The following TWIST2 variants were observed in gnomAD, a reference collection of about 807,000 sequenced individuals.
TWIST2 encodes the protein twist family bHLH transcription factor 2.
TWIST2 carries 1 observed loss-of-function variant against 11.6 expected under a neutral mutation model. That is an observed-to-expected ratio of 0.09 (90% CI 0.03 to 0.41). The LOEUF is 0.41. Ranked by LOEUF, TWIST2 falls within the 10% of genes least tolerant of loss-of-function variation. TWIST2 has a pLI of 0.98. For missense variants in TWIST2, 168 were observed against 226.4 expected (o/e 0.74, Z 1.66); for synonymous variants, 87 against 96.6 (o/e 0.90, Z 0.58).
At chr2:238,883,859 C>T (rs1372563681) in intron 1 of TWIST2, among the ~76,000 whole-genome samples, 1 of 152,172 alleles carries the variant, frequency 6.6e-6, no homozygotes, top group Non-Finnish European at 1.5e-5. Flanking sequence ...TGGCTTTTCT[C>T]TCCTCCTGCA....
chr2:238,848,715 T>A lies in TWIST2; in HGVS notation c.*17T>A. Reference sequence around the variant, plus strand: ...TCCCACTAGCGCCGCGCCACCCACCTCCGGACCGGCGCGCCAGGGTAGGTG... The same window carrying A: ...TCCCACTAGCGCCGCGCCACCCACCACCGGACCGGCGCGCCAGGGTAGGTG... On this transcript the variant is annotated 3_prime_UTR_variant, in exon 1 of 2. Transcript: ENST00000612363. 1 of 1,484,334 alleles carries A rather than the reference T, an allele frequency of 6.7e-7. No homozygotes were observed. The highest frequency in any genetic ancestry group is 8.9e-7 in the Non-Finnish European group (1 of 1,118,628). The allele number at this position is 1,484,334 out of a possible 1,614,324, so 91.9% of individuals were successfully genotyped here.
chr2:238,854,106 G>A (rs926265506), intron 1 of TWIST2, among the ~76,000 whole-genome samples: 4 of 152,094 alleles, frequency 2.6e-5, no homozygotes, highest in African/African-American at 9.7e-5. Flanking sequence ...CTTTAAACTT[G>A]GACACATCTC....
At chr2:238,893,662 TGA>T (rs1693174396) in intron 1 of TWIST2, among the ~76,000 whole-genome samples, 1 of 152,188 alleles carries the variant, frequency 6.6e-6, no homozygotes, top group Admixed American at 6.5e-5. Context: ...GTGAGATGGT[TGA>T]GAGTCTTCAG....
At chr2:238,885,052 C>T (rs532752655) in intron 1 of TWIST2, among the ~76,000 whole-genome samples, 1 of 152,170 alleles carries the variant, frequency 6.6e-6, no homozygotes, top group Admixed American at 6.5e-5. Flanking sequence ...GGGGGTCAGC[C>T]CTGGTCCGTT....
intron 1 of TWIST2, among the ~76,000 whole-genome samples, chr2:238,853,448 G>GGGGAGAGA (rs1692278540): frequency 7.7e-6 from 1 of 130,634 alleles, no homozygotes; most frequent in Non-Finnish European, 1.6e-5. Flanking sequence ...AGGGAGAGAT[G>GGGGAGAGA]GAGAGAGAGA....
At chr2:238,907,372 G>A (rs1188271748) in intron 1 of TWIST2, among the ~76,000 whole-genome samples, 1 of 152,146 alleles carries the variant, frequency 6.6e-6, no homozygotes, top group Non-Finnish European at 1.5e-5. Flanking sequence ...GCGGGATTGG[G>A]GTCCCCACCC....
At chr2:238,851,581 T>TA (rs1692241950) in intron 1 of TWIST2, among the ~76,000 whole-genome samples, 1 of 152,054 alleles carries the variant, frequency 6.6e-6, no homozygotes, top group Non-Finnish European at 1.5e-5. Flanking sequence ...AACTTTTTTT[T>TA]TTCTGAGAAC....
At chr2:238,855,361 G>C (rs544808786) in intron 1 of TWIST2, among the ~76,000 whole-genome samples, 1 of 152,174 alleles carries the variant, frequency 6.6e-6, no homozygotes, top group African/African-American at 2.4e-5. Flanking sequence ...ACCAATGGGC[G>C]AACAGTGTCT....
intron 1 of TWIST2, among the ~76,000 whole-genome samples, chr2:238,905,889 GCA>G (rs1693336878): frequency 2.1e-5 from 3 of 145,258 alleles, no homozygotes; most frequent in African/African-American, 5.4e-5. Context: ...GCATGTGCGC[GCA>G]TGCGCGTGTG....
chr2:238,849,665 G>C (rs1692208956), intron 1 of TWIST2, among the ~76,000 whole-genome samples: 3 of 152,216 alleles, frequency 2.0e-5, no homozygotes, highest in African/African-American at 7.2e-5. Flanking sequence ...CGAGGAGAAG[G>C]CTCGGGGGAC....
At chr2:238,870,196 A>C (rs1022741756) in intron 1 of TWIST2, among the ~76,000 whole-genome samples, 191 of 7,240 alleles carry the variant, frequency 0.026, 20 homozygotes, top group Non-Finnish European at 0.035. Context: ...ATCACATACC[A>C]CACACAAACC....
At chr2:238,865,054 C>T (rs1692508179) in intron 1 of TWIST2, among the ~76,000 whole-genome samples, 1 of 152,176 alleles carries the variant, frequency 6.6e-6, no homozygotes, top group African/African-American at 2.4e-5. Context: ...GGTCACTCCA[C>T]TCGTTGAAAG....
chr2:238,891,795 C>G (rs955719232), intron 1 of TWIST2, among the ~76,000 whole-genome samples: 1 of 152,146 alleles, frequency 6.6e-6, no homozygotes, highest in African/African-American at 2.4e-5. Flanking sequence ...CTCCGTGTCT[C>G]CGCTGCCTCA....
At chr2:238,906,088 C>T (rs1693350644) in intron 1 of TWIST2, among the ~76,000 whole-genome samples, 1 of 152,160 alleles carries the variant, frequency 6.6e-6, no homozygotes, top group Non-Finnish European at 1.5e-5. Context: ...AACAAAGGTT[C>T]CTGGAGGTCT....
chr2:238,881,325 GTTAATA>G (rs1322402255), intron 1 of TWIST2, among the ~76,000 whole-genome samples: 1 of 146,904 alleles, frequency 6.8e-6, no homozygotes, highest in Non-Finnish European at 1.5e-5. Flanking sequence ...TAGTGTTGGT[GTTAATA>G]TTAGCATTAG....
intron 1 of TWIST2, among the ~76,000 whole-genome samples, chr2:238,905,596 A>G (rs1693330337): frequency 6.6e-6 from 1 of 152,000 alleles, no homozygotes; most frequent in Non-Finnish European, 1.5e-5. Flanking sequence ...GGCCCCTGTC[A>G]TTTTTGGCTT....
chr2:238,897,906 C>T (rs987990525), intron 1 of TWIST2, among the ~76,000 whole-genome samples: 142 of 152,314 alleles, frequency 9.3e-4, no homozygotes, highest in African/African-American at 3.1e-3. Flanking sequence ...GGGACTCTCC[C>T]GAGAGTCTCC....
intron 1 of TWIST2, among the ~76,000 whole-genome samples, chr2:238,874,314 A>G (rs1391270894): frequency 6.6e-6 from 1 of 152,190 alleles, no homozygotes; most frequent in African/African-American, 2.4e-5. Context: ...TTTGTTTAAA[A>G]ACTCAACTTT....
In TWIST2 at chr2:238,864,795, TC is replaced by T. The variant is rs1692503869; in HGVS notation, c.*35+16066del. ...ACCCTGGGAAACACCTGTGGGGCTG[TC>T]CCCTTCTCTGAGCATCTGTGAGGGG... is the stretch of plus-strand genomic sequence containing the variant. On this transcript the variant is annotated intron_variant, in intron 1 of 1. Coordinates refer to ENST00000612363, the MANE Select transcript of TWIST2 (RefSeq NM_001271893.4). The surrounding 1 kb of genome is among the most constrained non-coding windows in gnomAD (Gnocchi z 4.7). 2.6e-5 allele frequency among the ~76,000 whole-genome samples: 4 copies of T among 151,992 alleles called. No individual in the cohort carries two copies. The highest frequency in any genetic ancestry group is 5.9e-5 in the Non-Finnish European group (4 of 67,978).
Sources: gnomAD v4.1 joint callset for allele counts (sites outside exome capture counted in the v4.1 genomes callset) on GRCh38, gnomAD v4.1.1 for gene constraint, Gnocchi (gnomAD v3.1) non-coding constraint, MANE v1.5 for transcripts, NCBI Gene and HGNC (gene_info 2026-07-23, HGNC 2026-07-21) for gene names.